MYH11: variants seen among roughly 807,000 people sequenced by gnomAD.
MYH11 encodes myosin-11.
MYH11 carries 80 observed loss-of-function variants against 246.6 expected under a neutral mutation model. The ratio of observed to expected loss-of-function variants is 0.32; its 90% CI spans 0.27 to 0.39. The LOEUF (loss-of-function observed/expected upper bound fraction) is 0.39. Among genes scored for constraint, MYH11 ranks in the 10% least tolerant of loss-of-function variants. MYH11 has a pLI of 1.00. For missense variants in MYH11, 2,158 were observed against 2,546.8 expected, an observed-to-expected ratio of 0.85 and a Z score of 3.29; for synonymous variants, 1,071 against 1,015.5, an observed-to-expected ratio of 1.05 and a Z score of -1.04.
chr16:15,776,259 C>T, intron 7 of MYH11, 83 bp from the exon 8 acceptor site: 1 of 921,404 alleles, frequency 1.1e-6, no homozygotes, highest in South Asian at 1.3e-5. Context: ...ACACCCAATT[C>T]ACATGGGATG....
chr16:15,834,631 C>T (rs528252373), intron 2 of MYH11, among the ~76,000 whole-genome samples: 1 of 152,248 alleles, frequency 6.6e-6, no homozygotes, highest in African/African-American at 2.4e-5. Flanking sequence ...CAAGAGACTT[C>T]CCCTACTTAA....
chr16:15,760,603 G>C lies in MYH11; in HGVS notation c.1185C>G (p.Ser395=), dbSNP rs377660115. Residue 395 remains serine (S), a synonymous_variant, in exon 11 of 41, where the codon TCC becomes TCG. Transcript: ENST00000300036. Reference sequence around the variant, plus strand: ...CAACCTTGATACGAGGAGTGAGGATGGATCTGGTGAAATCTGTCACATTAA... The same window carrying C: ...CAACCTTGATACGAGGAGTGAGGATCGATCTGGTGAAATCTGTCACATTAA... The part of the protein sequence containing the change: ...MGINVTDFTR[S]ILTPRIKVGR... 4.2e-5 allele frequency: 68 copies of C among 1,614,056 alleles called. No individual in the cohort carries two copies. The highest frequency in any genetic ancestry group is 5.7e-5 in the Non-Finnish European group (67 of 1,180,030).
In MYH11 at chr16:15,742,053, G is replaced by A. The variant is rs916693089; in HGVS notation, c.2521-162C>T. 7 of 1,172,104 alleles carry A rather than the reference G, an allele frequency of 6.0e-6. No homozygotes were observed. The African/African-American group carries it at 9.1e-5, about 15-fold the overall frequency. 72.6% of individuals were successfully genotyped at this position (1,172,104 alleles called of 1,614,324 possible). The stretch of plus-strand genomic sequence containing the variant: ...CTGCTGATTGTCACAGCTGGGGTGG[G>A]GGGTGCCTCTGGCATCCAGTGGGTA... On this transcript the variant is annotated intron_variant, in intron 20 of 40. Transcript: ENST00000300036.
chr16:15,840,000 G>A (rs8059512), intron 1 of MYH11, among the ~76,000 whole-genome samples: 5,400 of 152,134 alleles, frequency 0.035, 339 homozygotes, highest in African/African-American at 0.12. Context: ...GCAGTGAGCC[G>A]AGACTGCACC....
At chr16:15,835,244 G>T (rs1245893768) in intron 2 of MYH11, among the ~76,000 whole-genome samples, 1 of 152,080 alleles carries the variant, frequency 6.6e-6, no homozygotes, top group Non-Finnish European at 1.5e-5. Flanking sequence ...TATCTTTGGG[G>T]CTTCCTGAGA....
At chr16:15,822,220 T>C (rs2043432630) in intron 3 of MYH11, among the ~76,000 whole-genome samples, 1 of 152,202 alleles carries the variant, frequency 6.6e-6, no homozygotes, top group South Asian at 2.1e-4. Context: ...AACTCCCAAC[T>C]CAGATCCCTG....
At chr16:15,824,836 T>C (rs2043516934) in intron 2 of MYH11, among the ~76,000 whole-genome samples, 1 of 152,076 alleles carries the variant, frequency 6.6e-6, no homozygotes, top group Admixed American at 6.5e-5. Flanking sequence ...GGCAGAGGCA[T>C]CTCCTCGTGG....
chr16:15,757,759 T>G lies in MYH11; in HGVS notation c.1575+68A>C, dbSNP rs140563672. 285 of 1,601,214 alleles carry G rather than the reference T, an allele frequency of 1.8e-4. No homozygotes were observed. The African/African-American group carries it at 3.2e-3, about 18-fold the overall frequency. On this transcript the variant is annotated intron_variant, in intron 13 of 40. Coordinates refer to ENST00000300036, the MANE Select transcript of MYH11 (RefSeq NM_002474.3). ...GCATGGGGAGAGTGTGGGGTCCACG[T>G]CGGCTCCACAGAGGCCACACACGTG...
chr16:15,771,659 C>G lies in MYH11; in HGVS notation c.943G>C (p.Val315Leu), dbSNP rs2042104736. The G allele has an allele frequency of 1.2e-6, 2 of 1,613,864 alleles. No individual in the cohort carries two copies. Among genetic ancestry groups the G allele is most frequent in the African/African-American group, 1.3e-5 (1 of 74,834 alleles). The change falls in exon 9 of 41, where the codon GTG becomes CTG. Residue 315 changes from valine to leucine, a missense_variant. Coordinates refer to ENST00000300036, the MANE Select transcript of MYH11 (RefSeq NM_002474.3). ...TCATCCTGGGCTGCTGGGATGGGCA[C>G]AAAGCCATTGGAGAGGAAGGTGTAG... ...NNYTFLSNGF[V>L]PIPAAQDDEM...
intron 40 of MYH11, among the ~76,000 whole-genome samples, chr16:15,712,297 T>C (rs758592876): frequency 6.6e-6 from 1 of 152,078 alleles, no homozygotes; most frequent in African/African-American, 2.4e-5. Context: ...TCATTAGATA[T>C]ACATGGAATT....
intron 37 of MYH11, chr16:15,717,630 A>G (rs956118299): frequency 3.7e-6 from 2 of 543,294 alleles, no homozygotes; most frequent in Admixed American, 6.4e-5. Context: ...CCCCGTCTCT[A>G]TTAAAAATAC....
chr16:15,793,975 G>A (rs1359202091), intron 4 of MYH11, among the ~76,000 whole-genome samples: 73 of 113,882 alleles, frequency 6.4e-4, no homozygotes, highest in Non-Finnish European at 1.1e-3. Flanking sequence ...ACAGAGTCTC[G>A]CTCTGTCACC....
chr16:15,759,066 A>C (rs566697542), intron 12 of MYH11, among the ~76,000 whole-genome samples: 2 of 151,988 alleles, frequency 1.3e-5, no homozygotes, highest in Non-Finnish European at 2.9e-5. Flanking sequence ...TTTCTACTAC[A>C]TGAGGTATTG....
intron 36 of MYH11, 50 bp downstream of exon 36, chr16:15,719,170 G>A (rs368824547): frequency 1.3e-6 from 2 of 1,532,206 alleles, no homozygotes; most frequent in Non-Finnish European, 1.8e-6. Context: ...GATGCTGCCT[G>A]TCCCCCCATC....
chr16:15,718,338 G>T lies in MYH11; in HGVS notation c.5272C>A (p.Arg1758=). The T allele has an allele frequency of 6.2e-7, 1 of 1,608,974 alleles. No individual in the cohort carries two copies. Among genetic ancestry groups the T allele is most frequent in the Non-Finnish European group, 8.5e-7 (1 of 1,179,928 alleles). ...EQGNMEAMSD[R]VRKATQQAEQ... ...ACCTGCTGTGTGGCTTTGCGGACCC[G>T]GTCGCTCATGGCCTCCATGTTGCCC... is the stretch of plus-strand genomic sequence containing the variant. Residue 1758 remains arginine (R), a synonymous_variant, in exon 37 of 41, where the codon CGG becomes AGG. Coordinates refer to ENST00000300036, the MANE Select transcript of MYH11 (RefSeq NM_002474.3).
chr16:15,846,075 G>A (rs1360354887), intron 1 of MYH11, among the ~76,000 whole-genome samples: 1 of 152,070 alleles, frequency 6.6e-6, no homozygotes, highest in Non-Finnish European at 1.5e-5. Context: ...CTCCAGCCTT[G>A]GCGACAGAGT....
intron 31 of MYH11, among the ~76,000 whole-genome samples, chr16:15,723,532 G>A (rs1039746951): frequency 1.3e-5 from 2 of 152,094 alleles, no homozygotes; most frequent in South Asian, 2.1e-4. Context: ...CTATAATCCC[G>A]GCTACATGAA....
chr16:15,761,710 T>G (rs544135115), intron 10 of MYH11, among the ~76,000 whole-genome samples: 3 of 152,316 alleles, frequency 2.0e-5, no homozygotes, highest in Non-Finnish European at 2.9e-5. Context: ...TTTAGGATTT[T>G]TTTTTCCCCA....
intron 2 of MYH11, among the ~76,000 whole-genome samples, chr16:15,831,404 T>C (rs904083995): frequency 2.8e-4 from 42 of 151,254 alleles, no homozygotes; most frequent in African/African-American, 1.0e-3. Flanking sequence ...TAAGGTAGGG[T>C]TAAGTGGAAA....
Sources: gnomAD v4.1 joint callset for allele counts (sites outside exome capture counted in the v4.1 genomes callset) on GRCh38, gnomAD v4.1.1 for gene constraint, MANE v1.5 for transcripts, NCBI Gene and HGNC (gene_info 2026-07-23, HGNC 2026-07-21) for gene names.